Variants in ADAM33 observed in about 807,000 individuals in gnomAD.
ADAM33 encodes the protein disintegrin and metalloproteinase domain-containing protein 33.
In ADAM33, 103 loss-of-function variants were observed where a neutral mutation model predicts 106.2. The observed-to-expected ratio is 0.97, with a 90% confidence interval of 0.83 to 1.14. ADAM33 has a LOEUF of 1.14. ADAM33 is among the 50% of genes most tolerant of loss of function. ADAM33 has a pLI of 0.00. For missense variants in ADAM33, 1,120 were observed against 1,096.6 expected (o/e 1.02, Z -0.30); for synonymous variants, 483 against 453.0 (o/e 1.07, Z -0.84).
intron 1 of ADAM33, among the ~76,000 whole-genome samples, chr20:3,681,587 G>A (rs1330295262): frequency 7.0e-6 from 1 of 143,662 alleles, no homozygotes; most frequent in East Asian, 2.1e-4. Context: ...GAGAATCCAG[G>A]AAGAGGGGGC....
rs138450650 is a variant in ADAM33 at position 3,671,728 on chromosome 20, G to T, written c.1758C>A (p.Leu586=). 2 of 1,584,204 alleles carry T rather than the reference G, an allele frequency of 1.3e-6. No homozygotes were observed. The highest frequency in any genetic ancestry group is 3.5e-5 in the Admixed American group (2 of 56,362). Residue 586 remains leucine, a synonymous_variant, in exon 16 of 22, where the codon CTC becomes CTA. Coordinates refer to ENST00000356518, the MANE Select transcript of ADAM33 (RefSeq NM_025220.5). The part of the protein sequence containing the change: ...LQCQGGKPSL[L]APHMVPVDST... ...AGTCCACTGGCACCATGTGCGGTGC[G>T]AGCAGGCTGGGCTTTCCACCCTGGC...
In ADAM33 at chr20:3,671,907, C is replaced by A. The variant is rs765009386; in HGVS notation, c.1676G>T (p.Ser559Ile). ...TGCACAGGGCAGGAAGTGGCCCTCG[C>A]TGTCCTGGCCGCAGTTTCCATGAGC... ...GDAHGNCGQD[S>I]EGHFLPCAGR... The change falls in exon 15 of 22, where the codon AGC (serine) becomes ATC (isoleucine). Residue 559 changes from serine to isoleucine, a missense_variant. Physicochemically the swap from Ser to Ile is moderately radical, Grantham distance 142. Coordinates refer to ENST00000356518, the MANE Select transcript of ADAM33 (RefSeq NM_025220.5). The A allele has an allele frequency of 7.4e-5, 115 of 1,554,282 alleles. No homozygotes were observed. The Middle Eastern group carries it at 1.8e-3, about 25-fold the overall frequency.
Position 3,669,639 on chromosome 20 carries a change from T to C in ADAM33, c.2241-2A>G. The C allele has an allele frequency of 6.3e-7, 1 of 1,598,794 alleles. No individual in the cohort carries two copies. The stretch of plus-strand genomic sequence containing the variant: ...TCCCTGTGTGGGCCATCTTTGGGGC[T>C]GAGCAACGTGATAAGAGTCCAGGAG... On this transcript the variant is annotated splice_acceptor_variant, in intron 19 of 21. Coordinates refer to ENST00000356518, the MANE Select transcript of ADAM33 (RefSeq NM_025220.5). LOFTEE classifies it high-confidence loss of function.
intron 1 of ADAM33, 27 bp downstream of exon 1, chr20:3,681,881 C>T: frequency 6.3e-7 from 1 of 1,595,016 alleles, no homozygotes; most frequent in Non-Finnish European, 8.5e-7. Context: ...GCCTGCCCCT[C>T]AGGGCGCACC....
chr20:3,680,986 C>T (rs2088443268), intron 1 of ADAM33, among the ~76,000 whole-genome samples: 1 of 152,132 alleles, frequency 6.6e-6, no homozygotes, highest in Non-Finnish European at 1.5e-5. Flanking sequence ...CTCCCCTGAC[C>T]CCAGGATAGG....
At position 3,681,893 on chromosome 20, in the gene ADAM33, C is replaced by G; in HGVS notation, c.97+15G>C. On this transcript the variant is annotated intron_variant, in intron 1 of 21. Transcript: ENST00000356518. ...CTAGCCTGCCCCTCAGGGCGCACCC[C>G]GCCCGCGTCCTCACCTTGAAGCACC... The G allele has an allele frequency of 6.3e-7, 1 of 1,594,984 alleles. No homozygotes were observed.
chr20:3,676,897 C>T (rs546289215), intron 3 of ADAM33, among the ~76,000 whole-genome samples, 170 bp downstream of exon 3: 28 of 152,334 alleles, frequency 1.8e-4, no homozygotes, highest in Non-Finnish European at 3.7e-4. Context: ...ACAGCCTCAG[C>T]GGTCCTCTTC....
In ADAM33 at chr20:3,671,665, CCGA is replaced by C. The variant is rs1257503418; in HGVS notation, c.1818_1820del (p.Cys606_Arg607delinsTrp). On this transcript the variant is annotated inframe_deletion, in exon 16 of 22. Coordinates refer to ENST00000356518, the MANE Select transcript of ADAM33 (RefSeq NM_025220.5). ...GGGCACTGGGGAGTGCCAAGGCTCCCCGACAAGTCACTTCCTGGCCATCTAGGT... is the reference window on the plus strand; with the variant it reads ...GGGCACTGGGGAGTGCCAAGGCTCCCCAAGTCACTTCCTGGCCATCTAGGT... 1.3e-6 allele frequency: 2 copies of C among 1,581,316 alleles called. No homozygotes were observed. The highest frequency in any genetic ancestry group is 1.4e-5 in the African/African-American group (1 of 74,022).
intron 3 of ADAM33, among the ~76,000 whole-genome samples, chr20:3,676,038 G>A (rs1600232597): frequency 6.6e-6 from 1 of 152,174 alleles, no homozygotes; most frequent in Non-Finnish European, 1.5e-5. Context: ...CTGTCCATCC[G>A]ACTCCACGAG....
In ADAM33 at chr20:3,669,389, G is replaced by A. The variant is rs1373631636; in HGVS notation, c.2333-19C>T. 1 of 1,598,014 alleles carries A rather than the reference G, an allele frequency of 6.3e-7. No homozygotes were observed. The highest frequency in any genetic ancestry group is 8.5e-7 in the Non-Finnish European group (1 of 1,174,726). On this transcript the variant is annotated intron_variant, in intron 20 of 21. Transcript: ENST00000356518. The stretch of plus-strand genomic sequence containing the variant: ...TCAGGGTCTGGGAGAAATGGTGGAG[G>A]GTAAATGTTGTGAATATGGTCAGCA...
Position 3,675,033 on chromosome 20 carries a change from G to GT in ADAM33, c.326dup (p.Asn109LysfsTer238). ...GCCCATGGAAGCATCTCACCGTGTG[G>GT]TTGGGGGCCAGCACCACTGGCTGCC... is the stretch of plus-strand genomic sequence containing the variant. On this transcript the variant is annotated frameshift_variant, in exon 4 of 22. Transcript: ENST00000356518. LOFTEE classifies it high-confidence loss of function. This position sits in a 1 kb window ranked among gnomAD's most constrained non-coding sequence, Gnocchi z 4.1. The GT allele has an allele frequency of 7.4e-6, 12 of 1,613,412 alleles. No individual in the cohort carries two copies. Among genetic ancestry groups the GT allele is most frequent in the Non-Finnish European group, 1.0e-5 (12 of 1,179,886 alleles).
rs537682740 is a variant in ADAM33 at position 3,679,514 on chromosome 20, C to G, written c.155G>C (p.Arg52Pro). 2 of 1,609,786 alleles carry G rather than the reference C, an allele frequency of 1.2e-6. No individual in the cohort carries two copies. The highest frequency in any genetic ancestry group is 1.7e-6 in the Non-Finnish European group (2 of 1,178,302). ...GACCGGCTCCTCCAGGCTGACGGTG[C>G]GCCAGGGTTGTCCATCCAGGACCCA... ...PHWVLDGQPW[R>P]TVSLEEPVSK... is the part of the protein sequence containing the mutation. The change falls in exon 2 of 22, where the codon CGC becomes CCC. Residue 52 changes from arginine (R) to proline (P), a missense_variant. Physicochemically the swap from Arg to Pro is moderately radical, Grantham distance 103. Transcript: ENST00000356518.
At chr20:3,677,236 G>A in intron 2 of ADAM33, 93 bp from the exon 3 acceptor site, 1 of 1,136,056 alleles carries the variant, frequency 8.8e-7, no homozygotes, top group Non-Finnish European at 1.2e-6. Context: ...TGGGGAGGAA[G>A]TTCTTGGGGA....
At chr20:3,676,843 C>G (rs1205698058) in intron 3 of ADAM33, among the ~76,000 whole-genome samples, 1 of 152,218 alleles carries the variant, frequency 6.6e-6, no homozygotes, top group Non-Finnish European at 1.5e-5. Context: ...GCTAACAAGC[C>G]GCTCCTGGGG....
intron 2 of ADAM33, among the ~76,000 whole-genome samples, chr20:3,679,183 C>T (rs1568821791): frequency 7.2e-6 from 1 of 138,098 alleles, no homozygotes; most frequent in East Asian, 2.1e-4. Context: ...TCAGGACCCA[C>T]AAACTCTGGA....
rs1445963111 is a variant in ADAM33, at chr20:3,675,963, C to T, written c.255-858G>A. ...CCCTAGGAGGTAGGTGATGTGACCA[C>T]CCCATTGAAAGGGTAGGGACGTCGG... On this transcript the variant is annotated intron_variant, in intron 3 of 21. Transcript: ENST00000356518. This position sits in a 1 kb window ranked among gnomAD's most constrained non-coding sequence, Gnocchi z 4.1. Among the ~76,000 whole-genome samples, 1 of 152,014 alleles carries T rather than the reference C, an allele frequency of 6.6e-6. No homozygotes were observed. The highest frequency in any genetic ancestry group is 2.4e-5 in the African/African-American group (1 of 41,346).
At chr20:3,678,353 G>A (rs1310569323) in intron 2 of ADAM33, among the ~76,000 whole-genome samples, 1 of 152,002 alleles carries the variant, frequency 6.6e-6, no homozygotes, top group African/African-American at 2.4e-5. Flanking sequence ...CACCGGTGGG[G>A]GAAGCAGAGC....
chr20:3,678,044 G>A (rs1355278186), intron 2 of ADAM33, among the ~76,000 whole-genome samples: 1 of 152,248 alleles, frequency 6.6e-6, no homozygotes, highest in Non-Finnish European at 1.5e-5. Context: ...CTTCGCAAGT[G>A]GGGAGCAGAT....
Position 3,671,933 on chromosome 20 carries a change from A to G in ADAM33, c.1650T>C (p.Asp550=). Residue 550 remains aspartate (D), a synonymous_variant, in exon 15 of 22, where the codon GAT becomes GAC. Coordinates refer to ENST00000356518, the MANE Select transcript of ADAM33 (RefSeq NM_025220.5). ...ACFQVVNSAG[D]AHGNCGQDSE... Reference sequence around the variant, plus strand: ...TGTCCTGGCCGCAGTTTCCATGAGCATCTCCCGCAGAGTTCACCACCTGGA... The same window carrying G: ...TGTCCTGGCCGCAGTTTCCATGAGCGTCTCCCGCAGAGTTCACCACCTGGA... 6.4e-7 allele frequency: 1 copy of G among 1,556,264 alleles called. No homozygotes were observed. The highest frequency in any genetic ancestry group is 8.7e-7 in the Non-Finnish European group (1 of 1,149,472).
Sources: allele counts gnomAD v4.1 joint callset (sites outside exome capture counted in the v4.1 genomes callset), GRCh38; gene constraint gnomAD v4.1.1; non-coding constraint Gnocchi (gnomAD v3.1); transcripts MANE v1.5; gene names NCBI Gene and HGNC (gene_info 2026-07-23, HGNC 2026-07-21).